CAPN11: variants seen among roughly 807,000 people sequenced by gnomAD.
The protein encoded by CAPN11 is calpain-11.
In CAPN11, 108 loss-of-function variants were observed where a neutral mutation model predicts 105.3. The ratio of observed to expected loss-of-function variants is 1.03; its 90% CI spans 0.88 to 1.20. The LOEUF (loss-of-function observed/expected upper bound fraction) is 1.20, where lower values mean the gene tolerates loss of function less well. Ranked by LOEUF, CAPN11 falls within the 50% of genes most tolerant of loss-of-function variation. The pLI, the probability that CAPN11 is intolerant of heterozygous loss-of-function variation, is 0.00. For missense variants in CAPN11, 883 were observed against 924.8 expected, an observed-to-expected ratio of 0.95 and a Z score of 0.59; for synonymous variants, 329 against 344.5, an observed-to-expected ratio of 0.96 and a Z score of 0.50.
chr6:44,169,522 G>A lies in CAPN11; in HGVS notation c.330G>A (p.Gln110=). 6.3e-7 allele frequency: 1 copy of A among 1,576,078 alleles called. No homozygotes were observed. Among genetic ancestry groups the A allele is most frequent in the Non-Finnish European group, 8.6e-7 (1 of 1,160,774 alleles). Residue 110 remains glutamine, a synonymous_variant, in exon 3 of 23, where the codon CAG becomes CAA. Transcript: ENST00000398776. ...AAAATGTGCAGAACATCTCCTGGCA[G>A]CGGCCCAAGGTGGGCACTGGAAGGG... ...NSKNVQNISW[Q]RPKDIINNPL...
intron 1 of CAPN11, among the ~76,000 whole-genome samples, chr6:44,160,005 G>A (rs931223241): frequency 6.6e-6 from 1 of 151,986 alleles, no homozygotes; most frequent in Non-Finnish European, 1.5e-5. Flanking sequence ...GTGGTGGCGG[G>A]CGCCTGTAAT....
intron 1 of CAPN11, among the ~76,000 whole-genome samples, chr6:44,159,394 T>TA (rs1286233118): frequency 6.8e-6 from 1 of 148,074 alleles, no homozygotes; most frequent in African/African-American, 2.5e-5. Context: ...GAGAGTGGGC[T>TA]GGGGGGAAGG....
chr6:44,165,130 C>T (rs571916241), intron 1 of CAPN11, among the ~76,000 whole-genome samples: 1 of 152,270 alleles, frequency 6.6e-6, no homozygotes, highest in African/African-American at 2.4e-5. Context: ...CTTAAGTGAT[C>T]CACCTGCCTC....
chr6:44,172,477 T>C (rs939889861), intron 5 of CAPN11, 57 bp downstream of exon 5: 19 of 1,071,358 alleles, frequency 1.8e-5, no homozygotes, highest in Non-Finnish European at 2.1e-5. Context: ...AAGAATCATA[T>C]ATGCTTTGAA....
rs1421064316 is a variant in CAPN11 at position 44,172,979 on chromosome 6, G to A, written c.568G>A (p.Asp190Asn). ...FGQWVNVVVD[D>N]RLPTKNDKLV... ...ACAGTGGGTGAACGTGGTGGTAGAT[G>A]ACCGGCTGCCCACAAAGAATGACAA... is the stretch of plus-strand genomic sequence containing the variant. The change falls in exon 6 of 23, where the codon GAC becomes AAC. Residue 190 changes from aspartate (D) to asparagine (N), a missense_variant. Coordinates refer to ENST00000398776, the MANE Select transcript of CAPN11 (RefSeq NM_007058.4). The A allele has an allele frequency of 6.2e-7, 1 of 1,613,126 alleles. No homozygotes were observed. Among genetic ancestry groups the A allele is most frequent in the East Asian group, 2.2e-5 (1 of 44,892 alleles).
At chr6:44,173,508 A>G (rs1484413388) in intron 7 of CAPN11, 122 bp downstream of exon 7, 2 of 623,394 alleles carry the variant, frequency 3.2e-6, no homozygotes, top group East Asian at 2.8e-5. Flanking sequence ...CCCTTTCCCC[A>G]GACTAGCCTT....
chr6:44,162,406 CACA>C (rs1561837096), intron 1 of CAPN11, among the ~76,000 whole-genome samples: 2 of 149,016 alleles, frequency 1.3e-5, no homozygotes, highest in Non-Finnish European at 3.0e-5. Context: ...CACACACACA[CACA>C]CCTGTAATCA....
At chr6:44,163,774 C>T (rs931750847) in intron 1 of CAPN11, among the ~76,000 whole-genome samples, 2 of 152,210 alleles carry the variant, frequency 1.3e-5, no homozygotes. Context: ...CTTCTCATCA[C>T]AAGTTACAGG....
At chr6:44,181,453 A>AGACACAACCACACCACACT (rs1773193266) in intron 19 of CAPN11, 133 bp downstream of exon 19, 2 of 404,278 alleles carry the variant, frequency 4.9e-6, no homozygotes, top group Admixed American at 4.4e-5. Context: ...CCACACTCAC[A>AGACACAACCACACCACACT]CACACACACA....
Position 44,183,408 on chromosome 6 carries a change from C to A in CAPN11, c.2134+173C>A, listed in dbSNP as rs368150462. ...TGGCAGAGGTGACTTGAGCAAGTCA[C>A]TTAATCTTTCTGTGCCTCCATTCCC... On this transcript the variant is annotated intron_variant, in intron 21 of 22. Coordinates refer to ENST00000398776, the MANE Select transcript of CAPN11 (RefSeq NM_007058.4). The A allele has an allele frequency of 4.9e-6, 3 of 618,416 alleles. No individual in the cohort carries two copies. In the East Asian group the frequency reaches 8.2e-5, roughly 17 times the overall value. 38.3% of individuals were successfully genotyped at this position (618,416 alleles called of 1,614,324 possible).
chr6:44,177,492 C>CA, intron 12 of CAPN11, 72 bp downstream of exon 12: 1 of 1,044,366 alleles, frequency 9.6e-7, no homozygotes, highest in Non-Finnish European at 1.3e-6. Context: ...TTCTTTCTTT[C>CA]TTTTTTTTTT....
intron 1 of CAPN11, among the ~76,000 whole-genome samples, chr6:44,159,683 C>T (rs1377585949): frequency 6.6e-6 from 1 of 151,950 alleles, no homozygotes; most frequent in Non-Finnish European, 1.5e-5. Flanking sequence ...AGCAAGACCT[C>T]ATCTCAAAAT....
At chr6:44,166,718 C>G (rs1342534655) in intron 1 of CAPN11, 40 bp from the exon 2 acceptor site, 10 of 1,478,538 alleles carry the variant, frequency 6.8e-6, no homozygotes, top group Non-Finnish European at 9.3e-6. Flanking sequence ...AACTTTAGAC[C>G]ACAGCCTTCC....
At chr6:44,176,422 G>A in intron 9 of CAPN11, 84 bp downstream of exon 9, 2 of 1,358,486 alleles carry the variant, frequency 1.5e-6, no homozygotes, top group Non-Finnish European at 2.1e-6. Flanking sequence ...CCATCTAGGA[G>A]AACAACCTGT....
At chr6:44,178,945 A>G (rs1772653470) in intron 12 of CAPN11, among the ~76,000 whole-genome samples, 1 of 152,028 alleles carries the variant, frequency 6.6e-6, no homozygotes. Flanking sequence ...AGGTTAAAAA[A>G]GCTCAGGAAA....
intron 2 of CAPN11, among the ~76,000 whole-genome samples, chr6:44,167,537 A>C (rs2128296495): frequency 7.6e-6 from 1 of 132,344 alleles, no homozygotes; most frequent in African/African-American, 3.0e-5. Flanking sequence ...GCATCTGTTT[A>C]GATGGTCTGG....
intron 1 of CAPN11, among the ~76,000 whole-genome samples, chr6:44,164,726 G>A (rs1769503122): frequency 6.6e-6 from 1 of 152,194 alleles, no homozygotes; most frequent in Non-Finnish European, 1.5e-5. Flanking sequence ...AGGATGGGAA[G>A]AGGAATGAGG....
Position 44,183,184 on chromosome 6 carries a change from A to G in CAPN11, c.2083A>G (p.Ile695Val), listed in dbSNP as rs1345563031. ...CAGGTATGCAGATGATGACCTGATC[A>G]TAGACTTTGACAGCTTCATCAGCTG... Reference protein sequence around the residue: ...VARYADDDLIIDFDSFISCFL... With the variant: ...VARYADDDLIVDFDSFISCFL... The change falls in exon 21 of 23, where the codon ATA (isoleucine) becomes GTA (valine). Residue 695 changes from isoleucine to valine, a missense_variant. By Grantham distance (29) the Ile-to-Val change is conservative (BLOSUM62 3). Coordinates refer to ENST00000398776, the MANE Select transcript of CAPN11 (RefSeq NM_007058.4). 1 of 1,613,634 alleles carries G rather than the reference A, an allele frequency of 6.2e-7. No homozygotes were observed. Among genetic ancestry groups the G allele is most frequent in the Admixed American group, 1.7e-5 (1 of 59,994 alleles).
At chr6:44,176,543 C>G (rs565709863) in intron 9 of CAPN11, 38 bp from the exon 10 acceptor site, 1 of 1,590,512 alleles carries the variant, frequency 6.3e-7, no homozygotes, top group African/African-American at 1.3e-5. Context: ...GCCACATGAC[C>G]TCCGCCCCTC....
Sources: gnomAD v4.1 joint callset for allele counts (sites outside exome capture counted in the v4.1 genomes callset) on GRCh38, gnomAD v4.1.1 for gene constraint, MANE v1.5 for transcripts, NCBI Gene and HGNC (gene_info 2026-07-23, HGNC 2026-07-21) for gene names.